Variants in MIPOL1 observed in about 807,000 individuals in gnomAD.
The protein encoded by MIPOL1 is mirror-image polydactyly gene 1 protein.
In MIPOL1, 57 loss-of-function variants were observed where a neutral mutation model predicts 60.9. The observed-to-expected ratio is 0.94, with a 90% confidence interval of 0.76 to 1.17. MIPOL1 has a LOEUF of 1.17. Among genes scored for constraint, MIPOL1 ranks in the 50% most tolerant of loss-of-function variants. The pLI is 0.00. For missense variants in MIPOL1, 551 were observed against 511.6 expected (o/e 1.08, Z -0.74); for synonymous variants, 179 against 168.8 (o/e 1.06, Z -0.47).
At chr14:37,428,990 A>G (rs900489226) in intron 11 of MIPOL1, among the ~76,000 whole-genome samples, 1 of 152,218 alleles carries the variant, frequency 6.6e-6, no homozygotes, top group Non-Finnish European at 1.5e-5. Flanking sequence ...AATAAATTCC[A>G]CATATTATAA....
At chr14:37,252,282 C>A (rs1567157887) in intron 3 of MIPOL1, among the ~76,000 whole-genome samples, 2 of 151,608 alleles carry the variant, frequency 1.3e-5, no homozygotes, top group African/African-American at 4.8e-5. Context: ...GATCATGATT[C>A]TAAATCAGGA....
chr14:37,527,473 C>G (rs2095454982), intron 12 of MIPOL1, among the ~76,000 whole-genome samples: 1 of 151,962 alleles, frequency 6.6e-6, no homozygotes, highest in African/African-American at 2.4e-5. Context: ...TAACTTAATA[C>G]TAATTCAGAT....
At chr14:37,534,495 G>T (rs2095496985) in intron 12 of MIPOL1, among the ~76,000 whole-genome samples, 1 of 152,128 alleles carries the variant, frequency 6.6e-6, no homozygotes, top group African/African-American at 2.4e-5. Context: ...ACATATGTGT[G>T]TGATATTTAT....
intron 11 of MIPOL1, among the ~76,000 whole-genome samples, chr14:37,459,682 A>G (rs1227410405): frequency 6.6e-6 from 1 of 152,170 alleles, no homozygotes. Flanking sequence ...AACCATCATC[A>G]CCCTAATAGC....
intron 12 of MIPOL1, among the ~76,000 whole-genome samples, chr14:37,526,469 A>G (rs1454842973): frequency 5.5e-5 from 8 of 145,048 alleles, no homozygotes; most frequent in African/African-American, 2.1e-4. Flanking sequence ...TCCCCGGTTT[A>G]CGCCATTCTC....
intron 11 of MIPOL1, among the ~76,000 whole-genome samples, chr14:37,424,398 C>A (rs2093926005): frequency 6.6e-6 from 1 of 152,066 alleles, no homozygotes; most frequent in South Asian, 2.1e-4. Context: ...TGAAGACACA[C>A]AGGGAGAAGA....
At chr14:37,236,342 A>G (rs1316122265) in intron 1 of MIPOL1, among the ~76,000 whole-genome samples, 2 of 152,082 alleles carry the variant, frequency 1.3e-5, no homozygotes, top group African/African-American at 4.8e-5. Flanking sequence ...TGTATTAGCC[A>G]TTTGTATGTC....
At chr14:37,245,322 C>T (rs2153352724) in intron 1 of MIPOL1, among the ~76,000 whole-genome samples, 1 of 152,148 alleles carries the variant, frequency 6.6e-6, no homozygotes, top group East Asian at 1.9e-4. Flanking sequence ...TTCATTGGTA[C>T]TTAAAGAAGA....
chr14:37,225,076 G>C (rs1424179726), intron 1 of MIPOL1, among the ~76,000 whole-genome samples: 1 of 152,166 alleles, frequency 6.6e-6, no homozygotes, highest in African/African-American at 2.4e-5. Flanking sequence ...TGATGCAAGA[G>C]GTGGGTTCCC....
At chr14:37,508,486 A>G (rs769090858) in intron 12 of MIPOL1, among the ~76,000 whole-genome samples, 8 of 152,198 alleles carry the variant, frequency 5.3e-5, no homozygotes, top group Non-Finnish European at 8.8e-5. Flanking sequence ...TACAATGAAC[A>G]TATGTTTATG....
intron 7 of MIPOL1, among the ~76,000 whole-genome samples, chr14:37,298,280 C>A (rs911675209): frequency 5.3e-5 from 8 of 152,124 alleles, no homozygotes; most frequent in Non-Finnish European, 1.0e-4. Flanking sequence ...CCCTTCCTTA[C>A]ACCTTATACA....
intron 1 of MIPOL1, among the ~76,000 whole-genome samples, chr14:37,207,664 G>C (rs1966305157): frequency 6.6e-6 from 1 of 151,966 alleles, no homozygotes; most frequent in African/African-American, 2.4e-5. Context: ...TTGTGCTTCA[G>C]CCTCCCGAGT....
In MIPOL1 at chr14:37,285,450, A is replaced by G; in HGVS notation, c.623+3A>G. 1 of 1,613,186 alleles carries G rather than the reference A, an allele frequency of 6.2e-7. No individual in the cohort carries two copies. The highest frequency in any genetic ancestry group is 8.5e-7 in the Non-Finnish European group (1 of 1,179,542). On this transcript the variant is annotated splice_donor_region_variant and intron_variant, in intron 7 of 12. Transcript: ENST00000684589. Reference sequence around the variant, plus strand: ...CATATGGAAATGTCTCTAAAAGTGTATGTACACATTTAAAACTCAGTATGA... The same window carrying G: ...CATATGGAAATGTCTCTAAAAGTGTGTGTACACATTTAAAACTCAGTATGA...
At chr14:37,247,399 A>G (rs913560563) in intron 2 of MIPOL1, among the ~76,000 whole-genome samples, 159 bp downstream of exon 2, 1 of 152,058 alleles carries the variant, frequency 6.6e-6, no homozygotes, top group African/African-American at 2.4e-5. Flanking sequence ...TTCTTAAATT[A>G]CTTTTATAAG....
intron 6 of MIPOL1, among the ~76,000 whole-genome samples, chr14:37,275,928 C>CT (rs1276805106): frequency 1.3e-5 from 2 of 151,120 alleles, no homozygotes. Context: ...TGCTGTTTGA[C>CT]TTTTGCAGAC....
At chr14:37,452,633 C>T (rs1450256772) in intron 11 of MIPOL1, among the ~76,000 whole-genome samples, 2 of 152,164 alleles carry the variant, frequency 1.3e-5, no homozygotes, top group Non-Finnish European at 1.5e-5. Context: ...AAACTGTTCT[C>T]ATAGTTGTTA....
intron 10 of MIPOL1, among the ~76,000 whole-genome samples, chr14:37,388,476 T>G (rs1049675355): frequency 1.1e-4 from 16 of 150,694 alleles, no homozygotes; most frequent in East Asian, 7.8e-4. Context: ...TATTTTTGGG[T>G]TTTTTTTGTG....
intron 12 of MIPOL1, among the ~76,000 whole-genome samples, chr14:37,516,791 T>C (rs2153628366): frequency 6.6e-6 from 1 of 152,330 alleles, no homozygotes; most frequent in Non-Finnish European, 1.5e-5. Context: ...ATGCTGTATT[T>C]TTTTAGAATA....
intron 9 of MIPOL1, among the ~76,000 whole-genome samples, chr14:37,343,463 T>C (rs954256555): frequency 6.6e-6 from 1 of 152,192 alleles, no homozygotes; most frequent in Non-Finnish European, 1.5e-5. Flanking sequence ...TAATTCACAT[T>C]GACACCAAAG....
Sources: allele counts gnomAD v4.1 joint callset (sites outside exome capture counted in the v4.1 genomes callset), GRCh38; gene constraint gnomAD v4.1.1; transcripts MANE v1.5; gene names NCBI Gene and HGNC (gene_info 2026-07-23, HGNC 2026-07-21).